The following PRDM11 variants were observed in gnomAD, a reference collection of about 807,000 sequenced individuals.
PRDM11 encodes PR domain-containing protein 11.
In PRDM11, 20 loss-of-function variants were observed where a neutral mutation model predicts 97.8. The observed-to-expected ratio is 0.20, with a 90% confidence interval of 0.14 to 0.30. The LOEUF (loss-of-function observed/expected upper bound fraction) is 0.30, where lower values mean the gene tolerates loss of function less well. Among genes scored for constraint, PRDM11 ranks in the 10% least tolerant of loss-of-function variants. The pLI is 1.00. For synonymous variants in PRDM11, 599 were observed against 637.7 expected (o/e 0.94, Z 0.91); for missense variants, 1,139 against 1,555.2 (o/e 0.73, Z 4.50).
chr11:45,228,744 A>C lies in PRDM11; in HGVS notation c.*585A>C, dbSNP rs1353312528. ...GTTGACCTTTCTCCCTCCCCACCTG[A>C]CTTCAGCTTGAGATCTTTTTTTATT... On this transcript the variant is annotated 3_prime_UTR_variant, in exon 8 of 8. Coordinates refer to ENST00000683152, the MANE Select transcript of PRDM11 (RefSeq NM_001384648.1). 1.3e-5 allele frequency: 2 copies of C among 151,914 alleles called. No homozygotes were observed. Among genetic ancestry groups the C allele is most frequent in the Non-Finnish European group, 2.9e-5 (2 of 67,990 alleles). The allele number at this position is 151,914 out of a possible 1,614,324, so 9.4% of individuals were successfully genotyped here.
chr11:45,136,912 G>A (rs1021854965), intron 1 of PRDM11, among the ~76,000 whole-genome samples: 4 of 151,848 alleles, frequency 2.6e-5, no homozygotes, highest in Non-Finnish European at 5.9e-5. Flanking sequence ...GGAGGCCGAG[G>A]CGGGTGGATC....
chr11:45,209,734 C>T (rs1400259113), intron 5 of PRDM11, among the ~76,000 whole-genome samples: 2 of 152,172 alleles, frequency 1.3e-5, no homozygotes, highest in Non-Finnish European at 2.9e-5. Context: ...TCTGCTGTCG[C>T]CATCTGGACA....
chr11:45,206,013 A>G (rs550969669), intron 5 of PRDM11, among the ~76,000 whole-genome samples: 70 of 152,234 alleles, frequency 4.6e-4, no homozygotes, highest in Middle Eastern at 3.4e-3. Context: ...GACACAGCTG[A>G]TCCGACACTG....
chr11:45,227,072 C>CA lies in PRDM11; in HGVS notation c.2448dup (p.Glu817ArgfsTer94). On this transcript the variant is annotated frameshift_variant, in exon 8 of 8. Coordinates refer to ENST00000683152, the MANE Select transcript of PRDM11 (RefSeq NM_001384648.1). LOFTEE classifies it high-confidence loss of function. The surrounding 1 kb of genome is among the most constrained non-coding windows in gnomAD (Gnocchi z 8.0). Reference sequence around the variant, plus strand: ...ACGGCGGCCACCCTTTGTGAGGAGACAGAGTTCCTGGGCGATATCCGGGCA... The same window carrying CA: ...ACGGCGGCCACCCTTTGTGAGGAGACAAGAGTTCCTGGGCGATATCCGGGCA... 1 of 1,533,960 alleles carries CA rather than the reference C, an allele frequency of 6.5e-7. No individual in the cohort carries two copies. The highest frequency in any genetic ancestry group is 8.7e-7 in the Non-Finnish European group (1 of 1,146,738).
rs1854444463 is a variant in PRDM11, at chr11:45,233,664, G to C, written c.*5505G>C. ...AAGCCCCTGAAGTGCAGCCGTCCTG[G>C]CCTCCCTCACTTGCTCAACCACTGT... On this transcript the variant is annotated 3_prime_UTR_variant, in exon 8 of 8. Transcript: ENST00000683152. 1 of 152,354 alleles carries C rather than the reference G, an allele frequency of 6.6e-6. No individual in the cohort carries two copies. The highest frequency in any genetic ancestry group is 2.1e-4 in the South Asian group (1 of 4,828). The allele number at this position is 152,354 out of a possible 1,614,324, so 9.4% of individuals were successfully genotyped here. A position where few individuals can be genotyped will look rare whatever the true frequency, so the allele number is the denominator to read the frequency against.
chr11:45,223,040 G>A (rs1265768531), intron 6 of PRDM11, among the ~76,000 whole-genome samples: 3 of 152,208 alleles, frequency 2.0e-5, no homozygotes, highest in Non-Finnish European at 4.4e-5. Flanking sequence ...GGCTAGCTGG[G>A]TGCCATGGCT....
chr11:45,188,888 ATTTTTTGTTTGTTTGT>A (rs1162020166), intron 4 of PRDM11, among the ~76,000 whole-genome samples: 6 of 151,936 alleles, frequency 3.9e-5, no homozygotes, highest in East Asian at 3.9e-4. Flanking sequence ...CCAACATGGG[ATTTTTTGTTTGTTTGT>A]TTTTTTGTTT....
intron 1 of PRDM11, among the ~76,000 whole-genome samples, chr11:45,138,496 A>C (rs1852925477): frequency 1.3e-5 from 2 of 152,156 alleles, no homozygotes; most frequent in East Asian, 3.8e-4. Flanking sequence ...TGAGCCTAAG[A>C]AGTTGAGGCT....
At chr11:45,114,242 G>A (rs1852254211) in intron 1 of PRDM11, among the ~76,000 whole-genome samples, 1 of 152,062 alleles carries the variant, frequency 6.6e-6, no homozygotes, top group African/African-American at 2.4e-5. Flanking sequence ...CAAAGAAGTG[G>A]AAACTCTAAA....
At chr11:45,149,626 C>T (rs543521984) in intron 1 of PRDM11, among the ~76,000 whole-genome samples, 2 of 152,246 alleles carry the variant, frequency 1.3e-5, no homozygotes, top group Non-Finnish European at 2.9e-5. Flanking sequence ...ATTCACGTCA[C>T]TTCTGGGCCA....
intron 1 of PRDM11, among the ~76,000 whole-genome samples, chr11:45,171,579 C>T (rs1458144179): frequency 6.6e-6 from 1 of 152,154 alleles, no homozygotes; most frequent in African/African-American, 2.4e-5. Flanking sequence ...CTGTTTGCCC[C>T]TTTGTAGGCT....
At chr11:45,162,099 C>T (rs1018128753) in intron 1 of PRDM11, among the ~76,000 whole-genome samples, 1 of 152,230 alleles carries the variant, frequency 6.6e-6, no homozygotes, top group East Asian at 1.9e-4. Flanking sequence ...GGATTATTTC[C>T]TAAGAGGCGA....
chr11:45,151,382 A>G (rs1374921452), intron 1 of PRDM11, among the ~76,000 whole-genome samples: 1 of 152,262 alleles, frequency 6.6e-6, no homozygotes, highest in Non-Finnish European at 1.5e-5. Flanking sequence ...CCTGTTTCCT[A>G]TTGCAGATTT....
At chr11:45,210,192 G>T (rs1324726323) in intron 5 of PRDM11, among the ~76,000 whole-genome samples, 1 of 152,136 alleles carries the variant, frequency 6.6e-6, no homozygotes, top group Non-Finnish European at 1.5e-5. Flanking sequence ...CCTGAGCCAC[G>T]CTGCCTGCCC....
Position 45,228,380 on chromosome 11 carries a change from G to T in PRDM11, c.*221G>T, listed in dbSNP as rs1273287938. The stretch of plus-strand genomic sequence containing the variant: ...GGAAAAATGTTGGAAACTGACTCTT[G>T]TCTACAAAATTTGGCAGCTGCAACA... On this transcript the variant is annotated 3_prime_UTR_variant, in exon 8 of 8. Coordinates refer to ENST00000683152, the MANE Select transcript of PRDM11 (RefSeq NM_001384648.1). 1.2e-5 allele frequency: 2 copies of T among 165,664 alleles called. No individual in the cohort carries two copies. The highest frequency in any genetic ancestry group is 4.8e-5 in the African/African-American group (2 of 41,558). 10.3% of individuals were successfully genotyped at this position (165,664 alleles called of 1,614,324 possible). A position where few individuals can be genotyped will look rare whatever the true frequency, so the allele number is the denominator to read the frequency against.
intron 1 of PRDM11, among the ~76,000 whole-genome samples, chr11:45,096,770 G>A (rs578199629): frequency 1.2e-4 from 18 of 152,194 alleles, no homozygotes; most frequent in South Asian, 4.1e-4. Context: ...ACTGGGTAGC[G>A]TGAACAGAAA....
At chr11:45,147,029 G>A (rs1365432657) in intron 1 of PRDM11, among the ~76,000 whole-genome samples, 152 bp downstream of exon 1, 1 of 145,688 alleles carries the variant, frequency 6.9e-6, no homozygotes, top group African/African-American at 2.5e-5. Context: ...GGCGCGGGGC[G>A]GGGGTCCGGA....
chr11:45,165,309 G>A (rs1198741795), intron 1 of PRDM11, among the ~76,000 whole-genome samples: 2 of 152,182 alleles, frequency 1.3e-5, no homozygotes, highest in Non-Finnish European at 2.9e-5. Flanking sequence ...CCCTCTCATT[G>A]TCTTCATCCA....
chr11:45,096,994 C>A (rs111466664), intron 1 of PRDM11, among the ~76,000 whole-genome samples: 1 of 152,132 alleles, frequency 6.6e-6, no homozygotes, highest in Non-Finnish European at 1.5e-5. Context: ...ATCTGGCAAA[C>A]GGGGATAATG....
Sources: allele counts gnomAD v4.1 joint callset (sites outside exome capture counted in the v4.1 genomes callset), GRCh38; gene constraint gnomAD v4.1.1; non-coding constraint Gnocchi (gnomAD v3.1); transcripts MANE v1.5; gene names NCBI Gene and HGNC (gene_info 2026-07-23, HGNC 2026-07-21).